The following IL21R variants were observed in gnomAD, a reference collection of about 807,000 sequenced individuals.
The protein encoded by IL21R is interleukin 21 receptor, also known as interleukin-21 receptor.
IL21R carries 14 observed loss-of-function variants against 41.3 expected under a neutral mutation model. That is an observed-to-expected ratio of 0.34 (90% confidence interval 0.22 to 0.53). The LOEUF is 0.53. Among genes scored for constraint, IL21R ranks in the 20% least tolerant of loss-of-function variants. The pLI, the probability that IL21R is intolerant of heterozygous loss-of-function variation, is 0.94. For missense variants in IL21R, 588 were observed against 681.6 expected, an observed-to-expected ratio of 0.86 and a Z score of 1.53; for synonymous variants, 286 against 287.6, an observed-to-expected ratio of 0.99 and a Z score of 0.05.
At chr16:27,421,137 C>G (rs978083026) in intron 1 of IL21R, among the ~76,000 whole-genome samples, 1 of 152,064 alleles carries the variant, frequency 6.6e-6, no homozygotes, top group Non-Finnish European at 1.5e-5. Context: ...GCACTTCTTT[C>G]TGAACTCTCA....
intron 2 of IL21R, among the ~76,000 whole-genome samples, chr16:27,433,791 G>T (rs1399022685): frequency 6.6e-6 from 1 of 152,094 alleles, no homozygotes; most frequent in Non-Finnish European, 1.5e-5. Context: ...ATTCTCTCAC[G>T]GTTTCCTACT....
intron 4 of IL21R, among the ~76,000 whole-genome samples, chr16:27,440,611 A>G (rs1184122745): frequency 1.3e-5 from 2 of 152,172 alleles, no homozygotes; most frequent in African/African-American, 4.8e-5. Context: ...ACTGTGCCCC[A>G]GGCTGTGTTC....
intron 1 of IL21R, among the ~76,000 whole-genome samples, chr16:27,429,203 G>A (rs2157866): frequency 0.28 from 43,110 of 151,422 alleles, 6,684 homozygotes; most frequent in East Asian, 0.54. Context: ...CAGCCTGGGC[G>A]ATAGAGTGAG....
chr16:27,405,648 C>A (rs573710381), intron 1 of IL21R, among the ~76,000 whole-genome samples: 2 of 152,318 alleles, frequency 1.3e-5, no homozygotes, highest in East Asian at 3.9e-4. Context: ...CCCTCCGGAG[C>A]CCCCGGACAC....
intron 1 of IL21R, chr16:27,402,980 T>C (rs1283492333): frequency 1.5e-5 from 6 of 395,634 alleles, no homozygotes; most frequent in Non-Finnish European, 2.5e-5. Context: ...CGGGCATGGG[T>C]GTAGAGCCTG....
chr16:27,424,786 A>T, intron 1 of IL21R, among the ~76,000 whole-genome samples: 1 of 152,154 alleles, frequency 6.6e-6, no homozygotes, highest in East Asian at 1.9e-4. Context: ...GCAATACCTG[A>T]GACTGGGTAA....
chr16:27,428,560 GTGGACCACTGCCC>G, intron 1 of IL21R, among the ~76,000 whole-genome samples: 1 of 152,384 alleles, frequency 6.6e-6, no homozygotes, highest in East Asian at 1.9e-4. Context: ...GTCTGGGCAG[GTGGACCACTGCCC>G]TCTGGCTGGC....
At chr16:27,408,243 T>G (rs1191419176) in intron 1 of IL21R, among the ~76,000 whole-genome samples, 1 of 152,156 alleles carries the variant, frequency 6.6e-6, no homozygotes, top group Non-Finnish European at 1.5e-5. Flanking sequence ...GCCATTTGAA[T>G]GGGATTTTGA....
At chr16:27,424,167 C>T (rs8062892) in intron 1 of IL21R, among the ~76,000 whole-genome samples, 54,131 of 151,658 alleles carry the variant, frequency 0.36, 9,995 homozygotes, top group East Asian at 0.53. Flanking sequence ...CTCCACCTCC[C>T]GGGTTCAAGC....
At chr16:27,446,115 C>A in intron 8 of IL21R, 27 bp downstream of exon 8, 1 of 1,587,498 alleles carries the variant, frequency 6.3e-7, no homozygotes, top group Non-Finnish European at 8.6e-7. Context: ...GTGATGAGCT[C>A]CTCGGAGCCC....
chr16:27,416,173 G>A (rs1212058364), intron 1 of IL21R, among the ~76,000 whole-genome samples: 4 of 152,116 alleles, frequency 2.6e-5, no homozygotes, highest in South Asian at 2.1e-4. Flanking sequence ...CACCCAGGCT[G>A]GAGTCTCACT....
intron 8 of IL21R, among the ~76,000 whole-genome samples, chr16:27,447,323 C>A (rs144289837): frequency 6.6e-6 from 1 of 152,234 alleles, no homozygotes; most frequent in African/African-American, 2.4e-5. Flanking sequence ...TTATTAGGTC[C>A]ATTTTACAGA....
At chr16:27,426,476 A>C (rs2087080230) in intron 1 of IL21R, among the ~76,000 whole-genome samples, 1 of 152,248 alleles carries the variant, frequency 6.6e-6, no homozygotes, top group Non-Finnish European at 1.5e-5. Context: ...CACATGGACC[A>C]TGAAAGTTGA....
chr16:27,418,132 T>G (rs55736765), intron 1 of IL21R, among the ~76,000 whole-genome samples: 39,335 of 149,676 alleles, frequency 0.26, 5,549 homozygotes, highest in African/African-American at 0.37. Context: ...TGCAGTGGCG[T>G]GATCTCGGCT....
chr16:27,440,650 G>A (rs1407765049), intron 4 of IL21R, among the ~76,000 whole-genome samples: 1 of 152,132 alleles, frequency 6.6e-6, no homozygotes, highest in African/African-American at 2.4e-5. Context: ...ACTGAACCTG[G>A]AGGACAAAAC....
At chr16:27,429,469 T>C (rs918673788) in intron 1 of IL21R, among the ~76,000 whole-genome samples, 4 of 152,026 alleles carry the variant, frequency 2.6e-5, no homozygotes, top group South Asian at 2.1e-4. Context: ...AGCAGTCTCC[T>C]CCCTCTTTAA....
Position 27,450,111 on chromosome 16 carries a change from C to T in IL21R, c.*828C>T, listed in dbSNP as rs2087565125. The T allele has an allele frequency of 4.3e-6, 1 of 232,728 alleles. No individual in the cohort carries two copies. The highest frequency in any genetic ancestry group is 2.2e-5 in the African/African-American group (1 of 45,296). 14.4% of individuals were successfully genotyped at this position (232,728 alleles called of 1,614,324 possible). ...GAGCCGAGGCGGGCGGGGGTGAGAA[C>T]ATCAATCGTCAGCGACAGCCTGGGC... is the stretch of plus-strand genomic sequence containing the variant. On this transcript the variant is annotated 3_prime_UTR_variant, in exon 9 of 9. Coordinates refer to ENST00000337929, the MANE Select transcript of IL21R (RefSeq NM_181078.3).
At chr16:27,418,106 A>G (rs541903710) in intron 1 of IL21R, among the ~76,000 whole-genome samples, 41 of 149,348 alleles carry the variant, frequency 2.7e-4, no homozygotes, top group South Asian at 4.2e-4. Context: ...GGTTCGCTCT[A>G]TCGCCCAGGC....
chr16:27,443,209 A>G (rs2087421531), intron 5 of IL21R, 93 bp downstream of exon 5: 2 of 1,191,614 alleles, frequency 1.7e-6, no homozygotes, highest in Non-Finnish European at 2.3e-6. Flanking sequence ...GGTGAACAAC[A>G]TCATTCATGG....
Sources: gnomAD v4.1 joint callset for allele counts (sites outside exome capture counted in the v4.1 genomes callset) on GRCh38, gnomAD v4.1.1 for gene constraint, MANE v1.5 for transcripts, NCBI Gene and HGNC (gene_info 2026-07-23, HGNC 2026-07-21) for gene names.